KDM2B: variants seen among roughly 807,000 people sequenced by gnomAD.
The protein encoded by KDM2B is lysine demethylase 2B.
Under a neutral mutation model 150.0 loss-of-function variants are expected in KDM2B, and 26 were observed. That is an observed-to-expected ratio of 0.17 (90% CI 0.13 to 0.24). The LOEUF is 0.24. Ranked by LOEUF, KDM2B falls within the 10% of genes least tolerant of loss-of-function variation. KDM2B has a pLI of 1.00. For missense variants in KDM2B, 1,265 were observed against 1,816.9 expected, an observed-to-expected ratio of 0.70 and a Z score of 5.52; for synonymous variants, 734 against 729.5, an observed-to-expected ratio of 1.01 and a Z score of -0.10.
chr12:121,530,775 G>A (rs1410151313), intron 8 of KDM2B, among the ~76,000 whole-genome samples: 2 of 151,942 alleles, frequency 1.3e-5, no homozygotes, highest in African/African-American at 4.8e-5. Context: ...CCCCCAGCTT[G>A]CTTAAGTCAC....
chr12:121,421,994 G>T, the KDM2B span, among the ~76,000 whole-genome samples: 1 of 152,190 alleles, frequency 6.6e-6, no homozygotes, highest in African/African-American at 2.4e-5. Context: ...GTAGATGCAG[G>T]AATCTTCATC....
intron 22 of KDM2B, 55 bp downstream of exon 22, chr12:121,439,801 AC>A: frequency 7.5e-7 from 1 of 1,324,636 alleles, no homozygotes; most frequent in Non-Finnish European, 1.1e-6. Flanking sequence ...ACAAATGTGA[AC>A]CTCCTGGTTC....
chr12:121,528,025 G>GAT (rs1162889784), intron 8 of KDM2B, among the ~76,000 whole-genome samples: 1 of 152,144 alleles, frequency 6.6e-6, no homozygotes, highest in Non-Finnish European at 1.5e-5. Context: ...TTTCCTTACT[G>GAT]ATAATTATAA....
chr12:121,439,063 G>A (rs57889600), intron 22 of KDM2B, among the ~76,000 whole-genome samples: 52,266 of 152,022 alleles, frequency 0.34, 9,717 homozygotes, highest in East Asian at 0.43. Context: ...GCACCACAGC[G>A]ACAGACAGAG....
At chr12:121,479,602 A>G (rs1445834785) in intron 12 of KDM2B, among the ~76,000 whole-genome samples, 2 of 151,968 alleles carry the variant, frequency 1.3e-5, no homozygotes, top group Admixed American at 1.3e-4. Context: ...CTGGGCGACA[A>G]ACTGTGACTC....
chr12:121,547,645 C>CTTT (rs55686141), intron 6 of KDM2B, among the ~76,000 whole-genome samples: 11 of 80,252 alleles, frequency 1.4e-4, no homozygotes, highest in African/African-American at 3.8e-4. Flanking sequence ...CTTCCCCTTC[C>CTTT]TTTTTTTTTT....
At position 121,440,877 on chromosome 12, in the gene KDM2B, C is replaced by T; in HGVS notation, c.3549G>A (p.Val1183=). 6.2e-7 allele frequency: 1 copy of T among 1,614,088 alleles called. No homozygotes were observed. The highest frequency in any genetic ancestry group is 8.5e-7 in the Non-Finnish European group (1 of 1,179,976). Residue 1183 remains valine (V), a synonymous_variant, in exon 21 of 23, where the codon GTG becomes GTA. Coordinates refer to ENST00000377071, the MANE Select transcript of KDM2B (RefSeq NM_032590.5). The stretch of plus-strand genomic sequence containing the variant: ...GCATCTGGGCATCCTTTAGTCCCTC[C>T]ACCCACTGGACATCCAGGGTCCGGA... ...PLLRTLDVQW[V]EGLKDAQMRD... is the part of the protein sequence containing the mutation.
At chr12:121,543,815 T>TAAAAAAC (rs1888796625) in intron 6 of KDM2B, among the ~76,000 whole-genome samples, 1 of 149,452 alleles carries the variant, frequency 6.7e-6, no homozygotes, top group Non-Finnish European at 1.5e-5. Context: ...AGACTCCGTC[T>TAAAAAAC]AAAAAACAAA....
At chr12:121,492,810 C>T (rs1883497821) in intron 12 of KDM2B, among the ~76,000 whole-genome samples, 1 of 144,632 alleles carries the variant, frequency 6.9e-6, no homozygotes, top group South Asian at 2.2e-4. Context: ...GCCTGGGTGA[C>T]AAGAGCAAAA....
intron 11 of KDM2B, among the ~76,000 whole-genome samples, chr12:121,496,736 C>A (rs527302362): frequency 1.3e-5 from 2 of 152,272 alleles, no homozygotes; most frequent in Admixed American, 1.3e-4. Flanking sequence ...AAGCAAAACA[C>A]CTGCCTCAGC....
intron 2 of KDM2B, among the ~76,000 whole-genome samples, chr12:121,578,232 C>T (rs1328702098): frequency 6.6e-6 from 1 of 152,200 alleles, no homozygotes; most frequent in Non-Finnish European, 1.5e-5. Flanking sequence ...TCATGGGGTC[C>T]CTGATCCAAT....
chr12:121,446,191 C>T lies in KDM2B; in HGVS notation c.1960-773G>A, dbSNP rs193002779. On this transcript the variant is annotated intron_variant, in intron 13 of 22. Transcript: ENST00000377071. ...CGGGCGGATCACAAGGTCAGGAGAT[C>T]GAGACCATCCCGGCTACCACGGTGA... Among the ~76,000 whole-genome samples, 27 of 152,178 alleles carry T rather than the reference C, an allele frequency of 1.8e-4. No homozygotes were observed. In the South Asian group the frequency reaches 4.1e-3, roughly 23 times the overall value.
At position 121,533,451 on chromosome 12, in the gene KDM2B, G is replaced by A. The variant is rs956834123; in HGVS notation, c.778-492C>T. On this transcript the variant is annotated intron_variant, in intron 7 of 22. Transcript: ENST00000377071. This position sits in a 1 kb window ranked among gnomAD's most constrained non-coding sequence, Gnocchi z 4.1. ...GCACATGCAGACCCAGCCAAGCAGG[G>A]TGGCACAGGCTTATTTTCAAGAAGC... Among the ~76,000 whole-genome samples the A allele has an allele frequency of 3.9e-5, 6 of 152,134 alleles. No homozygotes were observed. The highest frequency in any genetic ancestry group is 8.8e-5 in the Non-Finnish European group (6 of 68,026).
intron 12 of KDM2B, among the ~76,000 whole-genome samples, chr12:121,457,006 C>G (rs1464531516): frequency 6.6e-6 from 1 of 152,302 alleles, no homozygotes; most frequent in East Asian, 1.9e-4. Context: ...AACGCAGGAT[C>G]CTAATGAAGC....
chr12:121,533,696 C>G lies in KDM2B; in HGVS notation c.778-737G>C, dbSNP rs1222487483. Among the ~76,000 whole-genome samples, 1 of 152,232 alleles carries G rather than the reference C, an allele frequency of 6.6e-6. No homozygotes were observed. The highest frequency in any genetic ancestry group is 2.4e-5 in the African/African-American group (1 of 41,466). On this transcript the variant is annotated intron_variant, in intron 7 of 22. Coordinates refer to ENST00000377071, the MANE Select transcript of KDM2B (RefSeq NM_032590.5). This position sits in a 1 kb window ranked among gnomAD's most constrained non-coding sequence, Gnocchi z 4.1. ...CTCGAGCCAAACCCAAGCTTCAAAT[C>G]TGGCCCAAGGAGCTTTGAACACCAG...
At chr12:121,443,101 C>T in intron 17 of KDM2B, 71 bp from the exon 18 acceptor site, 1 of 1,439,606 alleles carries the variant, frequency 6.9e-7, no homozygotes, top group Non-Finnish European at 9.6e-7. Context: ...CGACACCCCA[C>T]CCCACCACGA....
intron 8 of KDM2B, among the ~76,000 whole-genome samples, chr12:121,531,615 T>A (rs1246191014): frequency 6.6e-6 from 1 of 152,232 alleles, no homozygotes; most frequent in Admixed American, 6.5e-5. Context: ...CACTCGGCTA[T>A]ACTCCTTTCA....
intron 13 of KDM2B, among the ~76,000 whole-genome samples, chr12:121,450,897 C>T (rs1289762834): frequency 2.0e-5 from 3 of 151,796 alleles, no homozygotes; most frequent in East Asian, 1.9e-4. Context: ...CTTTCATGCA[C>T]CCGTGGTGGG....
At position 121,509,965 on chromosome 12, in the gene KDM2B, G is replaced by T. The variant is rs1359193121; in HGVS notation, c.1249C>A (p.Gln417Lys). ...WLEMEEEACDQQPQEEEEKDE... is the reference protein window; with the variant it reads ...WLEMEEEACDKQPQEEEEKDE... ...TTCTCCTCCTCCTCCTGAGGCTGCTGATCACAGGCCTCCTCCTCCATCTCC... is the reference window on the plus strand; with the variant it reads ...TTCTCCTCCTCCTCCTGAGGCTGCTTATCACAGGCCTCCTCCTCCATCTCC... Residue 417 changes from glutamine (Q) to lysine (K), a missense_variant, in exon 11 of 23, where the codon CAG (glutamine) becomes AAG (lysine). Physicochemically the swap from Gln to Lys is moderately conservative, Grantham distance 53. This residue lies in a region of KDM2B where 154 missense variants were observed against 162.5 expected (regional missense o/e 0.95). Transcript: ENST00000377071. The T allele has an allele frequency of 1.2e-6, 2 of 1,608,308 alleles. No individual in the cohort carries two copies. Among genetic ancestry groups the T allele is most frequent in the Non-Finnish European group, 1.7e-6 (2 of 1,177,214 alleles).
Sources: allele counts gnomAD v4.1 joint callset (sites outside exome capture counted in the v4.1 genomes callset), GRCh38; gene constraint gnomAD v4.1.1; regional missense constraint gnomAD v4.1.1; non-coding constraint Gnocchi (gnomAD v3.1); transcripts MANE v1.5; gene names NCBI Gene and HGNC (gene_info 2026-07-23, HGNC 2026-07-21).